Variants in PTPRD observed in about 807,000 individuals in gnomAD.
The protein encoded by PTPRD is receptor-type tyrosine-protein phosphatase delta.
PTPRD carries 34 observed loss-of-function variants against 214.5 expected under a neutral mutation model. That is an observed-to-expected ratio of 0.16 (90% CI 0.12 to 0.21). The LOEUF (loss-of-function observed/expected upper bound fraction) is 0.21. PTPRD is among the 10% of genes least tolerant of loss of function. The pLI, the probability that PTPRD is intolerant of heterozygous loss-of-function variation, is 1.00. For missense variants in PTPRD, 2,545 were observed against 2,398.7 expected (o/e 1.06, Z -1.27); for synonymous variants, 1,128 against 845.7 (o/e 1.33, Z -5.79).
chr9:10,088,633 G>A (rs538406010), intron 3 of PTPRD, among the ~76,000 whole-genome samples: 1 of 151,660 alleles, frequency 6.6e-6, no homozygotes, highest in African/African-American at 2.4e-5. Flanking sequence ...TGCAATGTGG[G>A]GGCAGTAGTC....
chr9:8,426,368 A>G (rs979319885), intron 35 of PTPRD, among the ~76,000 whole-genome samples: 1 of 152,160 alleles, frequency 6.6e-6, no homozygotes, highest in Admixed American at 6.5e-5. Context: ...AGCATCCACT[A>G]TGGCATCCCT....
chr9:9,646,530 A>G lies in PTPRD; in HGVS notation c.-286-71749T>C, dbSNP rs543816105. Among the ~76,000 whole-genome samples the G allele has an allele frequency of 2.3e-3, 352 of 152,188 alleles. 2 individuals carry two copies. The highest frequency in any genetic ancestry group is 7.9e-3 in the African/African-American group (330 of 41,540). On this transcript the variant is annotated intron_variant, in intron 7 of 45. Transcript: ENST00000381196. The stretch of plus-strand genomic sequence containing the variant: ...GGCTCGCTATGATGTATCAGAATGT[A>G]GGTATTATTATCTGTTTATACTGAG...
chr9:10,065,857 G>A (rs1359036713), intron 3 of PTPRD, among the ~76,000 whole-genome samples: 1 of 151,924 alleles, frequency 6.6e-6, no homozygotes, highest in Non-Finnish European at 1.5e-5. Context: ...AGTGGGCTGA[G>A]ACAACTGGTG....
At chr9:8,553,809 T>C (rs1199584469) in intron 14 of PTPRD, among the ~76,000 whole-genome samples, 1 of 152,130 alleles carries the variant, frequency 6.6e-6, no homozygotes, top group Non-Finnish European at 1.5e-5. Context: ...TGCCTGTAAA[T>C]TCTATCCTAA....
At chr9:9,891,767 T>C (rs1348823237) in intron 5 of PTPRD, among the ~76,000 whole-genome samples, 2 of 152,132 alleles carry the variant, frequency 1.3e-5, no homozygotes, top group Non-Finnish European at 2.9e-5. Flanking sequence ...CATAGGCACA[T>C]AAAACTTACT....
chr9:9,232,229 G>T (rs949171659), intron 9 of PTPRD, among the ~76,000 whole-genome samples: 1 of 152,144 alleles, frequency 6.6e-6, no homozygotes, highest in South Asian at 2.1e-4. Flanking sequence ...GTTTAGAAGA[G>T]TTGCATAAGA....
chr9:9,646,545 T>C (rs1332281744), intron 7 of PTPRD, among the ~76,000 whole-genome samples: 1 of 152,156 alleles, frequency 6.6e-6, no homozygotes, highest in East Asian at 1.9e-4. Flanking sequence ...TTATTATCTG[T>C]TTATACTGAG....
At chr9:9,547,998 C>T (rs1316731840) in intron 8 of PTPRD, among the ~76,000 whole-genome samples, 1 of 151,894 alleles carries the variant, frequency 6.6e-6, no homozygotes, top group Non-Finnish European at 1.5e-5. Context: ...GAAACAAAAT[C>T]TTTCAAGAGT....
intron 2 of PTPRD, among the ~76,000 whole-genome samples, chr9:10,432,252 C>A (rs968389346): frequency 2.2e-3 from 276 of 124,220 alleles, no homozygotes; most frequent in African/African-American, 8.3e-3. Flanking sequence ...CACATGGACA[C>A]AGGAAGGGGA....
At chr9:8,832,098 GTGTATA>G (rs2154529912) in intron 11 of PTPRD, among the ~76,000 whole-genome samples, 1 of 111,868 alleles carries the variant, frequency 8.9e-6, no homozygotes, top group East Asian at 2.1e-4. Context: ...AAATATGTAT[GTGTATA>G]TGTGTGTGTG....
chr9:8,711,827 A>C (rs956944499), intron 12 of PTPRD, among the ~76,000 whole-genome samples: 1 of 152,240 alleles, frequency 6.6e-6, no homozygotes. Context: ...TATTTGAAAC[A>C]ACCCAAAGGA....
intron 11 of PTPRD, among the ~76,000 whole-genome samples, chr9:8,849,529 A>C (rs2890832): frequency 0.089 from 13,560 of 152,192 alleles, 784 homozygotes; most frequent in South Asian, 0.2. Context: ...CCTGGTCCAT[A>C]ATTCTTTAGT....
intron 14 of PTPRD, among the ~76,000 whole-genome samples, chr9:8,546,359 C>T (rs1371629955): frequency 1.3e-5 from 2 of 152,158 alleles, no homozygotes; most frequent in Admixed American, 6.5e-5. Flanking sequence ...AGCAACTGCC[C>T]TATAATGTTG....
At chr9:9,659,641 A>T (rs1249646890) in intron 7 of PTPRD, among the ~76,000 whole-genome samples, 1 of 152,100 alleles carries the variant, frequency 6.6e-6, no homozygotes. Context: ...TAGCAGTAAC[A>T]GCTAGAGCTT....
chr9:9,977,276 C>T (rs192296651), intron 4 of PTPRD, among the ~76,000 whole-genome samples: 45 of 152,194 alleles, frequency 3.0e-4, no homozygotes, highest in African/African-American at 1.1e-3. Context: ...AAAAGTGCAT[C>T]CTTGGCTTAA....
At chr9:8,668,170 T>C (rs1486634485) in intron 12 of PTPRD, among the ~76,000 whole-genome samples, 4 of 152,174 alleles carry the variant, frequency 2.6e-5, no homozygotes, top group Admixed American at 6.5e-5. Flanking sequence ...TTTTACTCAA[T>C]GTAAGCAACA....
chr9:9,555,690 C>A (rs1239294162), intron 8 of PTPRD, among the ~76,000 whole-genome samples: 1 of 151,974 alleles, frequency 6.6e-6, no homozygotes, highest in Middle Eastern at 3.2e-3. Flanking sequence ...AAGTAGGTCA[C>A]AAAATATGTC....
At position 8,485,779 on chromosome 9, in the gene PTPRD, G is replaced by A. The variant is rs752727004; in HGVS notation, c.3038C>T (p.Thr1013Ile). The A allele has an allele frequency of 1.2e-6, 2 of 1,612,980 alleles. No individual in the cohort carries two copies. The highest frequency in any genetic ancestry group is 1.7e-6 in the Non-Finnish European group (2 of 1,179,738). ...GPYSPSVQFR[T>I]LPVDQVFAKN... ...AATCCTACCTTGATCCACAGGCAGT[G>A]TCCTGAACTGGACACTGGGACTATA... is the stretch of plus-strand genomic sequence containing the variant. The change falls in exon 28 of 46, where the codon ACA (threonine) becomes ATA (isoleucine). Residue 1013 changes from threonine (T) to isoleucine (I), a missense_variant. Physicochemically the swap from Thr to Ile is moderately conservative, Grantham distance 89 (BLOSUM62 -1). Coordinates refer to ENST00000381196, the MANE Select transcript of PTPRD (RefSeq NM_002839.4).
chr9:10,183,331 T>G (rs546188143), intron 3 of PTPRD, among the ~76,000 whole-genome samples: 6 of 152,214 alleles, frequency 3.9e-5, no homozygotes, highest in African/African-American at 1.4e-4. Flanking sequence ...ATTGCATGGA[T>G]GGATGATGAC....
Sources: allele counts gnomAD v4.1 joint callset (sites outside exome capture counted in the v4.1 genomes callset), GRCh38; gene constraint gnomAD v4.1.1; transcripts MANE v1.5; gene names NCBI Gene and HGNC (gene_info 2026-07-23, HGNC 2026-07-21).